The following SLC30A8 variants were observed in gnomAD, a reference collection of about 807,000 sequenced individuals.
SLC30A8 encodes proton-coupled zinc antiporter SLC30A8.
In SLC30A8, 27 loss-of-function variants were observed where a neutral mutation model predicts 36.9. The observed-to-expected ratio is 0.73, with a 90% CI of 0.54 to 1.01. The LOEUF is 1.01. SLC30A8 is among the 50% of genes least tolerant of loss of function. SLC30A8 has a pLI of 0.00. For missense variants in SLC30A8, 439 were observed against 452.0 expected (o/e 0.97, Z 0.26); for synonymous variants, 164 against 172.4 (o/e 0.95, Z 0.38).
chr8:117,002,288 G>T (rs973269773), intron 1 of SLC30A8, among the ~76,000 whole-genome samples: 6 of 152,132 alleles, frequency 3.9e-5, no homozygotes, highest in Non-Finnish European at 2.9e-5. Flanking sequence ...AGAGAGATAA[G>T]ATATATAAAC....
At chr8:117,023,116 T>G (rs948179681) in intron 1 of SLC30A8, among the ~76,000 whole-genome samples, 2 of 152,100 alleles carry the variant, frequency 1.3e-5, no homozygotes, top group Non-Finnish European at 2.9e-5. Flanking sequence ...AAAAGACACA[T>G]GAAAAAATGT....
upstream of SLC30A8, among the ~76,000 whole-genome samples, chr8:117,132,320 A>G (rs115740792): frequency 5.5e-3 from 831 of 152,130 alleles, 8 homozygotes; most frequent in African/African-American, 0.019. Flanking sequence ...GTAACACCCT[A>G]TTAAGAAATT....
chr8:117,117,266 A>G (rs571298206), intron 2 of SLC30A8, among the ~76,000 whole-genome samples: 17 of 151,900 alleles, frequency 1.1e-4, no homozygotes, highest in Non-Finnish European at 2.4e-4. Flanking sequence ...CAACAACCCT[A>G]TGTAACAGGT....
chr8:117,017,405 C>T (rs1042775807), intron 1 of SLC30A8, among the ~76,000 whole-genome samples: 9 of 152,174 alleles, frequency 5.9e-5, no homozygotes, highest in Non-Finnish European at 5.9e-5. Flanking sequence ...AATTTTATCT[C>T]AGTTGCAACA....
intron 2 of SLC30A8, among the ~76,000 whole-genome samples, chr8:117,127,618 A>G (rs1820959700): frequency 6.6e-6 from 1 of 152,054 alleles, no homozygotes; most frequent in African/African-American, 2.4e-5. Flanking sequence ...GTTCAGCACA[A>G]TGTTATAAGT....
At chr8:117,014,947 G>A (rs1027438333) in intron 1 of SLC30A8, among the ~76,000 whole-genome samples, 3 of 151,942 alleles carry the variant, frequency 2.0e-5, no homozygotes, top group African/African-American at 2.4e-5. Flanking sequence ...CGTGCAGCAA[G>A]CAAAGGGACC....
intron 1 of SLC30A8, among the ~76,000 whole-genome samples, chr8:116,991,432 G>A (rs191647126): frequency 3.6e-3 from 552 of 152,110 alleles, no homozygotes; most frequent in Admixed American, 8.9e-3. Flanking sequence ...AGCCTCCTGA[G>A]TAGCTAGGAT....
chr8:117,025,826 T>G (rs767736797), intron 1 of SLC30A8, among the ~76,000 whole-genome samples: 46 of 152,184 alleles, frequency 3.0e-4, no homozygotes, highest in Non-Finnish European at 4.7e-4. Flanking sequence ...GATGCTACTA[T>G]GCTGAATACC....
chr8:117,125,199 C>T (rs1161506078), intron 2 of SLC30A8, among the ~76,000 whole-genome samples: 1 of 151,902 alleles, frequency 6.6e-6, no homozygotes, highest in Non-Finnish European at 1.5e-5. Flanking sequence ...TTGGTGTTGC[C>T]ATGATTGCAT....
intron 1 of SLC30A8, among the ~76,000 whole-genome samples, chr8:117,139,170 C>A (rs532168761): frequency 6.6e-6 from 1 of 152,094 alleles, no homozygotes; most frequent in Admixed American, 6.6e-5. Context: ...TATAAAGAAG[C>A]CTGTTATAGA....
intron 1 of SLC30A8, among the ~76,000 whole-genome samples, chr8:116,962,214 A>G (rs1814448329): frequency 6.6e-6 from 1 of 152,010 alleles, no homozygotes; most frequent in Admixed American, 6.6e-5. Context: ...CTGTAAGGCA[A>G]TTAGGTTCAG....
chr8:117,029,410 A>G (rs1348180841), intron 1 of SLC30A8, among the ~76,000 whole-genome samples: 1 of 152,212 alleles, frequency 6.6e-6, no homozygotes, highest in Non-Finnish European at 1.5e-5. Context: ...AATTTCAATG[A>G]GATTGGAAAT....
intron 2 of SLC30A8, among the ~76,000 whole-genome samples, chr8:117,063,236 CTT>C (rs1489538898): frequency 6.6e-6 from 1 of 152,282 alleles, no homozygotes; most frequent in African/African-American, 2.4e-5. Flanking sequence ...GAAAGTCTCT[CTT>C]GTTTTTTTCT....
chr8:117,120,755 A>C (rs1256901956), intron 2 of SLC30A8, among the ~76,000 whole-genome samples: 1 of 151,776 alleles, frequency 6.6e-6, no homozygotes, highest in Admixed American at 6.6e-5. Context: ...TCTAAAAAAA[A>C]CTCTAAAATC....
intron 2 of SLC30A8, among the ~76,000 whole-genome samples, chr8:117,050,071 G>A (rs1817662212): frequency 6.6e-6 from 1 of 152,142 alleles, no homozygotes; most frequent in Non-Finnish European, 1.5e-5. Flanking sequence ...TCGACCCTTG[G>A]AAGGCAACAG....
intron 1 of SLC30A8, among the ~76,000 whole-genome samples, chr8:117,034,783 G>T (rs1490057779): frequency 6.6e-6 from 1 of 152,178 alleles, no homozygotes; most frequent in Admixed American, 6.5e-5. Context: ...CAACAGTTCT[G>T]CATGGCTGAG....
At chr8:117,072,565 C>A (rs544095102) in intron 2 of SLC30A8, among the ~76,000 whole-genome samples, 2 of 152,224 alleles carry the variant, frequency 1.3e-5, no homozygotes, top group Admixed American at 6.5e-5. Flanking sequence ...CTTTATATTT[C>A]TTTCTTACTT....
At chr8:117,159,446 T>C (rs1408626881) in intron 4 of SLC30A8, among the ~76,000 whole-genome samples, 1 of 152,192 alleles carries the variant, frequency 6.6e-6, no homozygotes, top group African/African-American at 2.4e-5. Flanking sequence ...CTCAGGTCAT[T>C]CTAACAGCCT....
At chr8:117,037,200 A>G (rs796436288) in intron 1 of SLC30A8, among the ~76,000 whole-genome samples, 5 of 152,282 alleles carry the variant, frequency 3.3e-5, no homozygotes, top group African/African-American at 1.2e-4. Flanking sequence ...TGGTTTTCCT[A>G]GAAGGCTGCT....
Sources: allele counts gnomAD v4.1 joint callset (sites outside exome capture counted in the v4.1 genomes callset), GRCh38; gene constraint gnomAD v4.1.1; transcripts MANE v1.5; gene names NCBI Gene and HGNC (gene_info 2026-07-23, HGNC 2026-07-21).